The following KIF24 variants were observed in gnomAD, a reference collection of about 807,000 sequenced individuals.
KIF24 encodes kinesin family member 24, also known as kinesin-like protein KIF24.
In KIF24, 81 loss-of-function variants were observed where a neutral mutation model predicts 118.9. The ratio of observed to expected loss-of-function variants is 0.68; its 90% CI spans 0.57 to 0.82. The LOEUF (loss-of-function observed/expected upper bound fraction) is 0.82. KIF24 is among the 40% of genes least tolerant of loss of function. KIF24 has a pLI of 0.00. For synonymous variants in KIF24, 599 were observed against 610.0 expected (o/e 0.98, Z 0.27); for missense variants, 1,560 against 1,661.6 (o/e 0.94, Z 1.06).
At chr9:34,314,489 T>C (rs1387497364) in intron 1 of KIF24, among the ~76,000 whole-genome samples, 1 of 152,044 alleles carries the variant, frequency 6.6e-6, no homozygotes, top group Admixed American at 6.6e-5. Flanking sequence ...TTAAAATATA[T>C]AGATACCTGA....
rs375357723 is a variant in KIF24 at position 34,311,121 on chromosome 9, G to A, written c.226C>T (p.Arg76Cys). ...CGCAGGCTGCTTGTCTGAAGATGAC[G>A]CTCTGGGATACTGACTGCTTTATCT... ...EEDKAVSIPERHLQTSSLRIK... is the reference protein window; with the variant it reads ...EEDKAVSIPECHLQTSSLRIK... Residue 76 changes from arginine to cysteine, a missense_variant, in exon 2 of 13, where the codon CGT (arginine) becomes TGT (cysteine). Transcript: ENST00000402558. 2.9e-5 allele frequency: 47 copies of A among 1,613,618 alleles called. No individual in the cohort carries two copies. Among genetic ancestry groups the A allele is most frequent in the African/African-American group, 5.3e-5 (4 of 74,898 alleles).
At chr9:34,258,226 T>C (rs1449603333) in intron 10 of KIF24, among the ~76,000 whole-genome samples, 3 of 152,176 alleles carry the variant, frequency 2.0e-5, no homozygotes, top group Non-Finnish European at 4.4e-5. Flanking sequence ...CTCAGCACTT[T>C]GGGAGGTTGA....
intron 1 of KIF24, among the ~76,000 whole-genome samples, chr9:34,323,809 T>C (rs1177231202): frequency 6.6e-6 from 1 of 152,218 alleles, no homozygotes; most frequent in Non-Finnish European, 1.5e-5. Flanking sequence ...ATTATTAACA[T>C]GTAATTAATT....
Position 34,306,344 on chromosome 9 carries a change from C to A in KIF24, c.721G>T (p.Gly241Ter). The A allele has an allele frequency of 6.2e-7, 1 of 1,610,518 alleles. No individual in the cohort carries two copies. The change falls in exon 3 of 13, where the codon GGA (glycine) becomes TGA (stop). Residue 241 changes from glycine to a stop codon, truncating the protein, a stop_gained. Transcript: ENST00000402558. LOFTEE classifies it high-confidence loss of function. Reference sequence around the variant, plus strand: ...TCTACAGTAATAATATTAATTTCTCCACGACGTACCTCCCTCATGCCCAGG... The same window carrying A: ...TCTACAGTAATAATATTAATTTCTCAACGACGTACCTCCCTCATGCCCAGG... ...RPLGMREVRR[G>*]EINIITVEDK... is the part of the protein sequence containing the mutation.
chr9:34,277,833 G>T lies in KIF24; in HGVS notation c.1216-5903C>A, dbSNP rs1203027118. ...TGAATATCAAAGTCATCACATTTTT[G>T]TAAATGACATACACAACTGAAGTAT... On this transcript the variant is annotated intron_variant, in intron 6 of 12. Transcript: ENST00000402558. Among the ~76,000 whole-genome samples the T allele has an allele frequency of 1.3e-5, 2 of 152,178 alleles. 1 individual carries two copies. Among genetic ancestry groups the T allele is most frequent in the Non-Finnish European group, 2.9e-5 (2 of 68,034 alleles).
At chr9:34,287,910 T>TAA (rs79148065) in intron 5 of KIF24, among the ~76,000 whole-genome samples, 36 of 131,998 alleles carry the variant, frequency 2.7e-4, no homozygotes, top group Middle Eastern at 3.8e-3. Context: ...CATCTCTGTT[T>TAA]AAAAAAAAAA....
chr9:34,284,020 C>T (rs898798700), intron 6 of KIF24, among the ~76,000 whole-genome samples: 2 of 152,148 alleles, frequency 1.3e-5, no homozygotes, highest in Non-Finnish European at 2.9e-5. Context: ...GTCATCCTAA[C>T]ACTTTGGGAG....
rs1837396032 is a variant in KIF24, at chr9:34,318,345, A to G, written c.-25-6974T>C. ...AGCCAGCCCAGCCCAACCCAGCCCA[A>G]CCCAGCTTGACCTAGCCCTGACAGG... On this transcript the variant is annotated intron_variant, in intron 1 of 12. Coordinates refer to ENST00000402558, the MANE Select transcript of KIF24 (RefSeq NM_194313.4). This position sits in a 1 kb window ranked among gnomAD's most constrained non-coding sequence, Gnocchi z 4.9. 2 of 612,026 alleles carry G rather than the reference A, an allele frequency of 3.3e-6. No individual in the cohort carries two copies. Among genetic ancestry groups the G allele is most frequent in the Middle Eastern group, 4.3e-4 (1 of 2,308 alleles). The allele number at this position is 612,026 out of a possible 1,614,324, so 37.9% of individuals were successfully genotyped here. A position where few individuals can be genotyped will look rare whatever the true frequency, so the allele number is the denominator to read the frequency against.
intron 2 of KIF24, among the ~76,000 whole-genome samples, chr9:34,307,235 T>C (rs1438665978): frequency 6.6e-6 from 1 of 152,084 alleles, no homozygotes; most frequent in Non-Finnish European, 1.5e-5. Context: ...TGGCTAATTT[T>C]TGTAATTTTT....
At chr9:34,300,083 C>CCATTA (rs906919715) in intron 3 of KIF24, among the ~76,000 whole-genome samples, 1 of 151,910 alleles carries the variant, frequency 6.6e-6, no homozygotes, top group African/African-American at 2.4e-5. Context: ...GTTGTGTGTA[C>CCATTA]CATTACATTA....
At chr9:34,298,536 C>T (rs1346634423) in intron 3 of KIF24, among the ~76,000 whole-genome samples, 3 of 125,856 alleles carry the variant, frequency 2.4e-5, no homozygotes, top group East Asian at 4.2e-4. Context: ...ACGAGCAAAA[C>T]TCCATCTCAA....
rs1180278863 is a variant in KIF24, at chr9:34,318,325, GCCCAGCCCAA to G, written c.-25-6964_-25-6955del. 14 of 588,144 alleles carry G rather than the reference GCCCAGCCCAA, an allele frequency of 2.4e-5. No individual in the cohort carries two copies. The highest frequency in any genetic ancestry group is 1.9e-4 in the South Asian group (10 of 53,662). 36.4% of individuals were successfully genotyped at this position (588,144 alleles called of 1,614,324 possible). On this transcript the variant is annotated intron_variant, in intron 1 of 12. Coordinates refer to ENST00000402558, the MANE Select transcript of KIF24 (RefSeq NM_194313.4). The surrounding 1 kb of genome is among the most constrained non-coding windows in gnomAD (Gnocchi z 4.9). ...GAGCGAGACTCCCGTCTTGGAGCCA[GCCCAGCCCAA>G]CCCAGCCCAACCCAGCTTGACCTAG...
At chr9:34,296,049 C>T (rs1836458695) in intron 4 of KIF24, among the ~76,000 whole-genome samples, 1 of 147,422 alleles carries the variant, frequency 6.8e-6, no homozygotes, top group African/African-American at 2.5e-5. Flanking sequence ...GAAACCCCGT[C>T]TCTACTAAAA....
chr9:34,278,613 A>AGAAT (rs910047298), intron 6 of KIF24, among the ~76,000 whole-genome samples: 2 of 151,464 alleles, frequency 1.3e-5, no homozygotes, highest in Non-Finnish European at 2.9e-5. Context: ...AGAGAAAGAG[A>AGAAT]GAATCTATTT....
chr9:34,286,193 G>T (rs1836044897), intron 6 of KIF24, among the ~76,000 whole-genome samples: 1 of 152,164 alleles, frequency 6.6e-6, no homozygotes, highest in Non-Finnish European at 1.5e-5. Flanking sequence ...AATTAGCCAG[G>T]TGTGGTGGTG....
At chr9:34,299,630 C>T (rs1836616766) in intron 3 of KIF24, among the ~76,000 whole-genome samples, 1 of 151,418 alleles carries the variant, frequency 6.6e-6, no homozygotes, top group African/African-American at 2.4e-5. Context: ...AATAGGTAAC[C>T]CCAATTGCCT....
intron 6 of KIF24, among the ~76,000 whole-genome samples, chr9:34,285,386 A>C (rs1042029688): frequency 6.6e-6 from 1 of 151,560 alleles, no homozygotes; most frequent in Non-Finnish European, 1.5e-5. Flanking sequence ...CTAGCACTTT[A>C]AGAGGCCAAG....
At chr9:34,301,767 G>A (rs963736249) in intron 3 of KIF24, among the ~76,000 whole-genome samples, 2 of 151,966 alleles carry the variant, frequency 1.3e-5, no homozygotes, top group South Asian at 2.1e-4. Flanking sequence ...AGCCCAGGAG[G>A]TTGAGGCTGC....
intron 1 of KIF24, among the ~76,000 whole-genome samples, chr9:34,320,529 G>A (rs1375833000): frequency 6.6e-6 from 1 of 150,852 alleles, no homozygotes; most frequent in Non-Finnish European, 1.5e-5. Context: ...ATGGTGGCGG[G>A]CACCTGTAAT....
Sources: gnomAD v4.1 joint callset for allele counts (sites outside exome capture counted in the v4.1 genomes callset) on GRCh38, gnomAD v4.1.1 for gene constraint, Gnocchi (gnomAD v3.1) non-coding constraint, MANE v1.5 for transcripts, NCBI Gene and HGNC (gene_info 2026-07-23, HGNC 2026-07-21) for gene names.